DOCK10: variants seen among roughly 807,000 people sequenced by gnomAD.
DOCK10 encodes the protein dedicator of cytokinesis protein 10.
In DOCK10, 145 loss-of-function variants were observed where a neutral mutation model predicts 280.1. That is an observed-to-expected ratio of 0.52 (90% CI 0.45 to 0.59). DOCK10 has a LOEUF of 0.59. DOCK10 is among the 20% of genes least tolerant of loss of function. DOCK10 has a pLI of 0.00. For synonymous variants in DOCK10, 915 were observed against 942.2 expected (o/e 0.97, Z 0.53); for missense variants, 2,368 against 2,651.7 (o/e 0.89, Z 2.35).
At chr2:224,913,695 GT>G (rs1482270324) in intron 3 of DOCK10, among the ~76,000 whole-genome samples, 1 of 151,102 alleles carries the variant, frequency 6.6e-6, no homozygotes, top group African/African-American at 2.4e-5. Context: ...TATAACCTTT[GT>G]TTTTATTTTG....
At chr2:224,943,229 T>C (rs948018650) in intron 1 of DOCK10, among the ~76,000 whole-genome samples, 3 of 152,210 alleles carry the variant, frequency 2.0e-5, no homozygotes, top group Non-Finnish European at 4.4e-5. Context: ...CTCTCAATTG[T>C]ATGTTGTTTG....
At chr2:224,961,585 C>T (rs1044311878) in intron 1 of DOCK10, among the ~76,000 whole-genome samples, 12 of 151,132 alleles carry the variant, frequency 7.9e-5, no homozygotes, top group Non-Finnish European at 1.6e-4. Context: ...CGGCTCACTG[C>T]AACCTCCGCC....
Position 224,845,359 on chromosome 2 carries a change from A to C in DOCK10, c.2360-35T>G, listed in dbSNP as rs750375759. The C allele has an allele frequency of 1.9e-6, 3 of 1,575,404 alleles. No individual in the cohort carries two copies. The East Asian group carries it at 6.8e-5, about 36-fold the overall frequency. ...AGAATAACCAACAAAAATTCTGAGT[A>C]CAAACCTCCATGGTAAGAAGTCACA... On this transcript the variant is annotated intron_variant, in intron 20 of 55. Transcript: ENST00000258390.
At chr2:224,981,023 T>C (rs903593198) in intron 1 of DOCK10, among the ~76,000 whole-genome samples, 8 of 152,122 alleles carry the variant, frequency 5.3e-5, no homozygotes, top group African/African-American at 1.9e-4. Context: ...TGGTATAGCA[T>C]GAGCACTACA....
chr2:224,893,737 T>C (rs1236066485), intron 4 of DOCK10: 1 of 373,110 alleles, frequency 2.7e-6, no homozygotes, highest in Admixed American at 4.1e-5. Context: ...TTTTTTGCTT[T>C]TCTATAATTG....
chr2:224,904,130 C>T (rs16866318), intron 3 of DOCK10, among the ~76,000 whole-genome samples: 3,459 of 152,182 alleles, frequency 0.023, 128 homozygotes, highest in African/African-American at 0.079. Context: ...ATGAACACAT[C>T]TAGGCCAAAT....
At chr2:224,921,134 T>TATATATATATAA (rs1210407698) in intron 2 of DOCK10, among the ~76,000 whole-genome samples, 2 of 109,182 alleles carry the variant, frequency 1.8e-5, no homozygotes, top group African/African-American at 8.6e-5. Context: ...TATATATATA[T>TATATATATATAA]AATGTATATA....
At chr2:224,933,958 G>A (rs1408345364) in intron 1 of DOCK10, among the ~76,000 whole-genome samples, 1 of 152,046 alleles carries the variant, frequency 6.6e-6, no homozygotes, top group African/African-American at 2.4e-5. Context: ...ATCTTTTTCT[G>A]GTACCCCAAT....
At position 224,988,376 on chromosome 2, in the gene DOCK10, A is replaced by C. The variant is rs553785793; in HGVS notation, c.123+53876T>G. Among the ~76,000 whole-genome samples, 13 of 152,322 alleles carry C rather than the reference A, an allele frequency of 8.5e-5. No individual in the cohort carries two copies. In the South Asian group the frequency reaches 2.7e-3, roughly 32 times the overall value. ...TTGGAGTACATGCTCAATGAATAAT[A>C]ATCATGATGATGATACCCCTAAGAA... On this transcript the variant is annotated intron_variant, in intron 1 of 55. Transcript: ENST00000258390.
At chr2:224,957,290 C>CA (rs773331976) in intron 1 of DOCK10, among the ~76,000 whole-genome samples, 1 of 146,602 alleles carries the variant, frequency 6.8e-6, no homozygotes, top group Non-Finnish European at 1.5e-5. Flanking sequence ...TTTCCGCCCC[C>CA]CCCCGGCTTT....
At chr2:224,986,187 A>T (rs762062134) in intron 1 of DOCK10, among the ~76,000 whole-genome samples, 66 of 152,194 alleles carry the variant, frequency 4.3e-4, no homozygotes, top group Non-Finnish European at 7.8e-4. Flanking sequence ...GTACACGGAA[A>T]ACTACTGCTG....
At chr2:225,006,932 C>A (rs962564933) in intron 1 of DOCK10, among the ~76,000 whole-genome samples, 3 of 152,154 alleles carry the variant, frequency 2.0e-5, no homozygotes, top group African/African-American at 7.2e-5. Flanking sequence ...GTGTGCTGAG[C>A]CAACTCACCT....
intron 4 of DOCK10, among the ~76,000 whole-genome samples, chr2:224,888,246 T>C (rs1015592640): frequency 1.8e-4 from 27 of 151,788 alleles, no homozygotes; most frequent in African/African-American, 6.5e-4. Context: ...TGTGTGTGTG[T>C]GTGTGTGTCT....
intron 28 of DOCK10, among the ~76,000 whole-genome samples, chr2:224,823,124 A>T (rs557047524): frequency 5.3e-5 from 8 of 151,492 alleles, no homozygotes; most frequent in Non-Finnish European, 1.0e-4. Context: ...AATAGCTAGG[A>T]CTACAGGCAC....
chr2:225,000,031 T>G (rs1394497673), intron 1 of DOCK10, among the ~76,000 whole-genome samples: 2 of 152,192 alleles, frequency 1.3e-5, no homozygotes, highest in Admixed American at 1.3e-4. Context: ...ACCTTCAGTT[T>G]GAAAATTACA....
rs994057418 is a variant in DOCK10, at chr2:225,032,387, C to A, written c.123+9865G>T. ...AATGAATGAACTTTCCCTGTTAGCA[C>A]TCAGAAAGGTTCTGAAGGCATCTTA... On this transcript the variant is annotated intron_variant, in intron 1 of 55. Coordinates refer to ENST00000258390, the MANE Select transcript of DOCK10 (RefSeq NM_014689.3). Among the ~76,000 whole-genome samples the A allele has an allele frequency of 2.6e-5, 4 of 152,190 alleles. No individual in the cohort carries two copies. The South Asian group carries it at 6.2e-4, about 24-fold the overall frequency.
At chr2:225,018,858 TG>T (rs1323013241) in intron 1 of DOCK10, among the ~76,000 whole-genome samples, 1 of 147,562 alleles carries the variant, frequency 6.8e-6, no homozygotes, top group Non-Finnish European at 1.5e-5. Context: ...TCGTTATATA[TG>T]TGTATATACA....
intron 1 of DOCK10, among the ~76,000 whole-genome samples, chr2:224,998,639 A>G (rs1213534851): frequency 2.0e-5 from 3 of 152,108 alleles, no homozygotes; most frequent in Non-Finnish European, 4.4e-5. Flanking sequence ...CAACCCTAAG[A>G]TTTCTTTGGC....
intron 1 of DOCK10, among the ~76,000 whole-genome samples, chr2:224,971,152 TA>T (rs896587669): frequency 6.6e-6 from 1 of 152,188 alleles, no homozygotes; most frequent in Non-Finnish European, 1.5e-5. Context: ...TAATCTATAT[TA>T]AAAACCCTGA....
Sources: gnomAD v4.1 joint callset for allele counts (sites outside exome capture counted in the v4.1 genomes callset) on GRCh38, gnomAD v4.1.1 for gene constraint, MANE v1.5 for transcripts, NCBI Gene and HGNC (gene_info 2026-07-23, HGNC 2026-07-21) for gene names.